Variants in METAP1D observed in about 807,000 individuals in gnomAD.
METAP1D encodes methionyl aminopeptidase type 1D, mitochondrial.
A neutral mutation model predicts 40.5 loss-of-function variants in METAP1D; 31 were observed. The observed-to-expected ratio is 0.77, with a 90% CI of 0.58 to 1.03. The LOEUF (loss-of-function observed/expected upper bound fraction) is 1.03. METAP1D is among the 50% of genes least tolerant of loss of function. The pLI, the probability that METAP1D is intolerant of heterozygous loss-of-function variation, is 0.00. For synonymous variants in METAP1D, 151 were observed against 146.4 expected (o/e 1.03, Z -0.22); for missense variants, 411 against 420.7 (o/e 0.98, Z 0.20).
intron 2 of METAP1D, 61 bp downstream of exon 2, chr2:172,061,716 T>G: frequency 7.3e-7 from 1 of 1,377,904 alleles, no homozygotes; most frequent in Non-Finnish European, 9.6e-7. Flanking sequence ...ACTGCAGAAG[T>G]GATCAAATAT....
intron 1 of METAP1D, among the ~76,000 whole-genome samples, chr2:172,035,991 G>A (rs1463008527): frequency 6.6e-6 from 1 of 152,004 alleles, no homozygotes; most frequent in South Asian, 2.1e-4. Context: ...TATCTGTAGT[G>A]AATTCATTTT....
intron 1 of METAP1D, among the ~76,000 whole-genome samples, chr2:172,001,803 G>C (rs1458783184): frequency 6.6e-6 from 1 of 152,008 alleles, no homozygotes; most frequent in African/African-American, 2.4e-5. Context: ...CTCAAGATCT[G>C]GGTGCCAGGC....
In METAP1D at chr2:172,061,660, T is replaced by C. The variant is rs767010569; in HGVS notation, c.198+5T>C. Reference sequence around the variant, plus strand: ...TCAGCTCATCCGGTTCCTAAGGTACTGTATTGCCTATTATCTCCTGCTTTT... The same window carrying C: ...TCAGCTCATCCGGTTCCTAAGGTACCGTATTGCCTATTATCTCCTGCTTTT... On this transcript the variant is annotated splice_donor_5th_base_variant and intron_variant, in intron 2 of 9. Coordinates refer to ENST00000315796, the MANE Select transcript of METAP1D (RefSeq NM_199227.3). The C allele has an allele frequency of 6.3e-7, 1 of 1,593,286 alleles. No individual in the cohort carries two copies. Among genetic ancestry groups the C allele is most frequent in the South Asian group, 1.1e-5 (1 of 87,002 alleles).
chr2:172,010,652 C>G (rs974783018), intron 1 of METAP1D, among the ~76,000 whole-genome samples: 1 of 151,668 alleles, frequency 6.6e-6, no homozygotes. Flanking sequence ...GCCACCTCGC[C>G]TGGCTAGTTT....
intron 7 of METAP1D, among the ~76,000 whole-genome samples, chr2:172,078,394 A>C (rs765117206): frequency 6.6e-6 from 1 of 152,056 alleles, no homozygotes; most frequent in Non-Finnish European, 1.5e-5. Context: ...CCTTCCCCAG[A>C]ATCTCTTGTT....
Position 172,067,441 on chromosome 2 carries a change from T to C in METAP1D, c.540+1135T>C, listed in dbSNP as rs149460990. 5.1e-3 allele frequency among the ~76,000 whole-genome samples: 772 copies of C among 152,346 alleles called. 10 individuals are homozygous for C. Among genetic ancestry groups the C allele is most frequent in the Non-Finnish European group, 5.3e-3 (362 of 68,014 alleles). ...TTCTTTCATTGCTGATGCTATTTCC[T>C]GTATCATTTTATCCTACTTAAAATG... On this transcript the variant is annotated intron_variant, in intron 5 of 9. Coordinates refer to ENST00000315796, the MANE Select transcript of METAP1D (RefSeq NM_199227.3).
chr2:172,012,457 G>A (rs1688752502), intron 1 of METAP1D, among the ~76,000 whole-genome samples: 2 of 152,182 alleles, frequency 1.3e-5, no homozygotes, highest in South Asian at 2.1e-4. Flanking sequence ...GGGGTGAAGC[G>A]TGGGGGAGAG....
chr2:172,080,062 C>T, intron 8 of METAP1D, 66 bp from the exon 9 acceptor site: 2 of 1,409,120 alleles, frequency 1.4e-6, no homozygotes, highest in Non-Finnish European at 2.0e-6. Flanking sequence ...TTTTAATAAT[C>T]AGCCGGAAAC....
chr2:172,003,838 C>T (rs1302954841), intron 1 of METAP1D, among the ~76,000 whole-genome samples: 2 of 151,994 alleles, frequency 1.3e-5, no homozygotes, highest in African/African-American at 2.4e-5. Context: ...GATCTTGGCT[C>T]ACTGCAACCT....
rs541441908 is a variant in METAP1D at position 172,032,323 on chromosome 2, T to C, written c.41-29175T>C. 3.6e-4 allele frequency among the ~76,000 whole-genome samples: 55 copies of C among 152,372 alleles called. 1 individual carries two copies. The South Asian group carries it at 0.011, about 31-fold the overall frequency. On this transcript the variant is annotated intron_variant, in intron 1 of 9. Transcript: ENST00000315796. ...AAAATGTTTCTGTTTTACTGGATTC[T>C]GATTAGTATTCTTATTTCAAAGTGA... is the stretch of plus-strand genomic sequence containing the variant.
chr2:172,079,482 A>G (rs1574149593), intron 8 of METAP1D, among the ~76,000 whole-genome samples: 2 of 152,216 alleles, frequency 1.3e-5, no homozygotes, highest in East Asian at 3.8e-4. Flanking sequence ...CCAACCTCTA[A>G]TTCTGTTACC....
intron 5 of METAP1D, among the ~76,000 whole-genome samples, chr2:172,067,234 A>G (rs1690304905): frequency 6.6e-6 from 1 of 152,374 alleles, no homozygotes; most frequent in South Asian, 2.1e-4. Context: ...GACAATATTC[A>G]GGGAATACAA....
intron 1 of METAP1D, among the ~76,000 whole-genome samples, chr2:172,050,099 T>A (rs1432606033): frequency 6.6e-6 from 1 of 152,084 alleles, no homozygotes; most frequent in Non-Finnish European, 1.5e-5. Flanking sequence ...TTCATCCCAA[T>A]GGTTTGCTTG....
intron 1 of METAP1D, among the ~76,000 whole-genome samples, chr2:172,004,613 C>T (rs1286309967): frequency 2.6e-5 from 4 of 152,192 alleles, no homozygotes; most frequent in African/African-American, 7.2e-5. Context: ...GCATGAGCCA[C>T]CACGCCCAGC....
rs142393583 is a variant in METAP1D at position 172,035,647 on chromosome 2, TTTTG to T, written c.41-25835_41-25832del. Among the ~76,000 whole-genome samples, 4,851 of 151,866 alleles carry T rather than the reference TTTTG, an allele frequency of 0.032. 630 individuals carry two copies. In the East Asian group the frequency reaches 0.47, roughly 15 times the overall value. ...GTGTATAGATTCCTAAACAGTGTGA[TTTTG>T]TTTGTTTGTTTGTTTTGAGACAGGG... On this transcript the variant is annotated intron_variant, in intron 1 of 9. Transcript: ENST00000315796.
At chr2:172,000,843 T>C (rs1350381788) in intron 1 of METAP1D, among the ~76,000 whole-genome samples, 1 of 151,984 alleles carries the variant, frequency 6.6e-6, no homozygotes, top group Admixed American at 6.5e-5. Context: ...CTACAAAAAA[T>C]TTTAAAAATT....
At chr2:172,017,230 G>A (rs188870154) in intron 1 of METAP1D, among the ~76,000 whole-genome samples, 1 of 105,820 alleles carries the variant, frequency 9.5e-6, no homozygotes, top group Admixed American at 1.2e-4. Context: ...TTCCATGAAA[G>A]GTTTTACACA....
chr2:172,063,383 A>T (rs1167702193), intron 2 of METAP1D, among the ~76,000 whole-genome samples: 2 of 152,212 alleles, frequency 1.3e-5, no homozygotes, highest in Admixed American at 1.3e-4. Context: ...ATTTTTCATC[A>T]ATGGTGAATA....
At chr2:172,023,469 C>A (rs1432916237) in intron 1 of METAP1D, among the ~76,000 whole-genome samples, 1 of 152,168 alleles carries the variant, frequency 6.6e-6, no homozygotes, top group African/African-American at 2.4e-5. Context: ...TTTATAAGTA[C>A]TGGGTGAGGG....
Sources: gnomAD v4.1 joint callset for allele counts (sites outside exome capture counted in the v4.1 genomes callset) on GRCh38, gnomAD v4.1.1 for gene constraint, MANE v1.5 for transcripts, NCBI Gene and HGNC (gene_info 2026-07-23, HGNC 2026-07-21) for gene names.